The following PIEZO2 variants were observed in gnomAD, a reference collection of about 807,000 sequenced individuals.
PIEZO2 encodes piezo-type mechanosensitive ion channel component 2.
PIEZO2 carries 172 observed loss-of-function variants against 337.3 expected under a neutral mutation model. The observed-to-expected ratio is 0.51, with a 90% CI of 0.45 to 0.58. PIEZO2 has a LOEUF of 0.58. Ranked by LOEUF, PIEZO2 falls within the 20% of genes least tolerant of loss-of-function variation. The probability of loss-of-function intolerance (pLI) is 0.00; values close to 1 mark genes in which losing one functional copy is unlikely to be tolerated. For synonymous variants in PIEZO2, 1,251 were observed against 1,228.5 expected, an observed-to-expected ratio of 1.02 and a Z score of -0.38; for missense variants, 3,028 against 3,391.3, an observed-to-expected ratio of 0.89 and a Z score of 2.66.
Position 10,877,321 on chromosome 18 carries a change from G to C in PIEZO2, c.330-5906C>G, listed in dbSNP as rs2042292959. The stretch of plus-strand genomic sequence containing the variant: ...CCCAAAAGCTGTTTCATGAACACTA[G>C]CTCTTTAGAATGAAATAGTGTTAGA... On this transcript the variant is annotated intron_variant, in intron 4 of 55. Coordinates refer to ENST00000674853, the MANE Select transcript of PIEZO2 (RefSeq NM_001378183.1). This position sits in a 1 kb window ranked among gnomAD's most constrained non-coding sequence, Gnocchi z 5.3. Among the ~76,000 whole-genome samples, 1 of 152,190 alleles carries C rather than the reference G, an allele frequency of 6.6e-6. No homozygotes were observed. Among genetic ancestry groups the C allele is most frequent in the South Asian group, 2.1e-4 (1 of 4,828 alleles).
chr18:10,959,386 G>A (rs264190), intron 3 of PIEZO2, among the ~76,000 whole-genome samples: 75,669 of 151,930 alleles, frequency 0.5, 19,191 homozygotes, highest in African/African-American at 0.57. Flanking sequence ...AATAATTTAA[G>A]TTTGGATTAT....
Position 11,101,719 on chromosome 18 carries a change from T to G in PIEZO2, c.65-35497A>C, listed in dbSNP as rs148553744. ...TCCTAAAGCATTTAAGTCGAGATGG[T>G]CATTTTTCTCTTAGGTTATTGTTTT... On this transcript the variant is annotated intron_variant, in intron 1 of 55. Transcript: ENST00000674853. This position sits in a 1 kb window ranked among gnomAD's most constrained non-coding sequence, Gnocchi z 4.4. 2.6e-5 allele frequency among the ~76,000 whole-genome samples: 4 copies of G among 152,330 alleles called. No individual in the cohort carries two copies. Among genetic ancestry groups the G allele is most frequent in the African/African-American group, 2.4e-5 (1 of 41,576 alleles).
intron 2 of PIEZO2, among the ~76,000 whole-genome samples, chr18:10,981,985 G>A (rs78166418): frequency 0.021 from 3,192 of 152,172 alleles, 121 homozygotes; most frequent in African/African-American, 0.072. Context: ...TTTGAGACTG[G>A]GACTTCCTTC....
chr18:11,032,231 T>G lies in PIEZO2; in HGVS notation c.160+33896A>C, dbSNP rs2036768817. Among the ~76,000 whole-genome samples the G allele has an allele frequency of 6.6e-6, 1 of 152,208 alleles. No homozygotes were observed. The highest frequency in any genetic ancestry group is 1.5e-5 in the Non-Finnish European group (1 of 68,032). The stretch of plus-strand genomic sequence containing the variant: ...ATGTCTCAACATTGATTCTCGGGTC[T>G]CCAGTGTGGTCCACAGGACAGAGGA... On this transcript the variant is annotated intron_variant, in intron 2 of 55. Coordinates refer to ENST00000674853, the MANE Select transcript of PIEZO2 (RefSeq NM_001378183.1). This position sits in a 1 kb window ranked among gnomAD's most constrained non-coding sequence, Gnocchi z 4.9.
In PIEZO2 at chr18:10,973,289, T is replaced by C. The variant is rs2034314319; in HGVS notation, c.286+6246A>G. Among the ~76,000 whole-genome samples the C allele has an allele frequency of 6.6e-6, 1 of 152,200 alleles. No individual in the cohort carries two copies. Among genetic ancestry groups the C allele is most frequent in the Non-Finnish European group, 1.5e-5 (1 of 68,030 alleles). ...GGCAGTAAAAACAATGTGTATTCATTACTCCAAGAGCGTTGACTCCATCAG... is the reference window on the plus strand; with the variant it reads ...GGCAGTAAAAACAATGTGTATTCATCACTCCAAGAGCGTTGACTCCATCAG... On this transcript the variant is annotated intron_variant, in intron 3 of 55. Transcript: ENST00000674853. This position sits in a 1 kb window ranked among gnomAD's most constrained non-coding sequence, Gnocchi z 4.9.
chr18:11,052,500 T>C (rs1598886286), intron 2 of PIEZO2, among the ~76,000 whole-genome samples: 1 of 152,358 alleles, frequency 6.6e-6, no homozygotes, highest in East Asian at 1.9e-4. Context: ...TTTGAACCCT[T>C]TGTTTTATAC....
Position 10,758,099 on chromosome 18 carries a change from G to A in PIEZO2, c.3793C>T (p.Arg1265Trp), listed in dbSNP as rs188320964. ...TTGTTCTCATCCTCAAAAATCTGCC[G>A]TTGTAAGGAGGCACACAGAAGCAGC... ...FMLLLCASLQ[R>W]QIFEDENKAA... is the part of the protein sequence containing the mutation. The change falls in exon 27 of 56, where the codon CGG becomes TGG. Residue 1265 changes from arginine (R) to tryptophan (W), a missense_variant. Coordinates refer to ENST00000674853, the MANE Select transcript of PIEZO2 (RefSeq NM_001378183.1). The A allele has an allele frequency of 2.2e-5, 34 of 1,537,488 alleles. No individual in the cohort carries two copies. The highest frequency in any genetic ancestry group is 3.3e-4 in the Middle Eastern group (2 of 6,014).
At position 10,846,657 on chromosome 18, in the gene PIEZO2, G is replaced by C. The variant is rs184729219; in HGVS notation, c.917+8696C>G. ...GAAGGGATTATTATGGCCCAATGCAGCTGGTGTTATAAAGCAAGTTTGCAC... is the reference window on the plus strand; with the variant it reads ...GAAGGGATTATTATGGCCCAATGCACCTGGTGTTATAAAGCAAGTTTGCAC... On this transcript the variant is annotated intron_variant, in intron 7 of 55. Transcript: ENST00000674853. The surrounding 1 kb of genome is among the most constrained non-coding windows in gnomAD (Gnocchi z 4.1). 4.6e-5 allele frequency among the ~76,000 whole-genome samples: 7 copies of C among 152,130 alleles called. No individual in the cohort carries two copies. The highest frequency in any genetic ancestry group is 1.7e-4 in the African/African-American group (7 of 41,440).
chr18:10,807,763 G>A (rs1309645924), intron 7 of PIEZO2, among the ~76,000 whole-genome samples: 1 of 96,678 alleles, frequency 1.0e-5, no homozygotes, highest in East Asian at 3.8e-4. Context: ...CTACAGTTTA[G>A]CCATGAAAGT....
rs576205978 is a variant in PIEZO2 at position 10,945,611 on chromosome 18, C to T, written c.286+33924G>A. ...ATAGGAATATAAAAATGTCTAGCAC[C>T]CAACAAGGTAAAATTCACAAGCTAG... On this transcript the variant is annotated intron_variant, in intron 3 of 55. Transcript: ENST00000674853. This position sits in a 1 kb window ranked among gnomAD's most constrained non-coding sequence, Gnocchi z 4.0. 6.6e-6 allele frequency among the ~76,000 whole-genome samples: 1 copy of T among 152,026 alleles called. No individual in the cohort carries two copies. The highest frequency in any genetic ancestry group is 2.1e-4 in the South Asian group (1 of 4,792).
chr18:11,016,878 A>G lies in PIEZO2; in HGVS notation c.161-37218T>C, dbSNP rs368333927. ...TCTCCCCTAATAATTGCTTTCTGCA[A>G]TTGTTTATTTCATTATTTACTTGGT... On this transcript the variant is annotated intron_variant, in intron 2 of 55. Coordinates refer to ENST00000674853, the MANE Select transcript of PIEZO2 (RefSeq NM_001378183.1). The surrounding 1 kb of genome is among the most constrained non-coding windows in gnomAD (Gnocchi z 5.6). Among the ~76,000 whole-genome samples, 13 of 152,150 alleles carry G rather than the reference A, an allele frequency of 8.5e-5. No individual in the cohort carries two copies. Among genetic ancestry groups the G allele is most frequent in the South Asian group, 2.1e-4 (1 of 4,802 alleles).
At position 10,675,218 on chromosome 18, in the gene PIEZO2, G is replaced by C; in HGVS notation, c.8152C>G (p.Leu2718Val). 1 of 1,539,158 alleles carries C rather than the reference G, an allele frequency of 6.5e-7. No individual in the cohort carries two copies. Among genetic ancestry groups the C allele is most frequent in the Non-Finnish European group, 8.8e-7 (1 of 1,134,370 alleles). The change falls in exon 54 of 56, where the codon CTT becomes GTT. Residue 2718 changes from leucine to valine, a missense_variant. Leu to Val is a conservative substitution (Grantham distance 32). Around this residue, in one of 5 missense-constraint regions of PIEZO2, gnomAD observed 332 missense variants for 363.8 expected, o/e 0.91. Transcript: ENST00000674853. Reference protein sequence around the residue: ...SDSNSKPIKQLLSENNFMDIT... With the variant: ...SDSNSKPIKQVLSENNFMDIT... The stretch of plus-strand genomic sequence containing the variant: ...TTTTTCTCATTCTTACCAGATAAAA[G>C]TTGCTTTATAGGTTTTGAGTTAGAA...
At position 10,680,122 on chromosome 18, in the gene PIEZO2, C is replaced by T; in HGVS notation, c.7952+77G>A. ...ATCTAAAGTTCCCATTCTTCCATCC[C>T]ACCACACCCTCCCTCCCCCAACTCC... On this transcript the variant is annotated intron_variant, in intron 52 of 55. Coordinates refer to ENST00000674853, the MANE Select transcript of PIEZO2 (RefSeq NM_001378183.1). 12 of 1,304,208 alleles carry T rather than the reference C, an allele frequency of 9.2e-6. No individual in the cohort carries two copies. In the South Asian group the frequency reaches 1.6e-4, roughly 17 times the overall value. The allele number at this position is 1,304,208 out of a possible 1,614,324, so 80.8% of individuals were successfully genotyped here.
At chr18:11,141,564 G>A (rs1473286611) in intron 1 of PIEZO2, among the ~76,000 whole-genome samples, 2 of 151,680 alleles carry the variant, frequency 1.3e-5, no homozygotes, top group African/African-American at 4.8e-5. Context: ...AAACTTAGAA[G>A]CGTGCCCTTG....
chr18:10,893,125 T>C (rs780544874), intron 4 of PIEZO2, among the ~76,000 whole-genome samples: 11 of 152,366 alleles, frequency 7.2e-5, no homozygotes, highest in Non-Finnish European at 1.2e-4. Context: ...AATTATGTTT[T>C]AGTAGTTCAA....
chr18:10,838,234 C>T (rs1182085275), intron 7 of PIEZO2, among the ~76,000 whole-genome samples: 1 of 152,208 alleles, frequency 6.6e-6, no homozygotes, highest in Non-Finnish European at 1.5e-5. Context: ...CACCCTACCC[C>T]CTGCCTTGCA....
chr18:10,941,689 A>G (rs2032732253), intron 3 of PIEZO2, among the ~76,000 whole-genome samples: 2 of 152,238 alleles, frequency 1.3e-5, no homozygotes, highest in East Asian at 1.9e-4. Context: ...ATAATTGGAA[A>G]CCAAAAGTAA....
At chr18:10,768,591 GTC>G (rs886962792) in intron 21 of PIEZO2, among the ~76,000 whole-genome samples, 3 of 152,182 alleles carry the variant, frequency 2.0e-5, no homozygotes, top group African/African-American at 7.2e-5. Flanking sequence ...TGCTTCAGGA[GTC>G]TCTCACTTGT....
intron 2 of PIEZO2, among the ~76,000 whole-genome samples, chr18:10,992,233 A>C (rs1001217031): frequency 5.3e-5 from 8 of 152,274 alleles, no homozygotes; most frequent in African/African-American, 1.2e-4. Flanking sequence ...TCTTCAGTTT[A>C]CTTAGATCCC....
Sources: allele counts gnomAD v4.1 joint callset (sites outside exome capture counted in the v4.1 genomes callset), GRCh38; gene constraint gnomAD v4.1.1; regional missense constraint gnomAD v4.1.1; non-coding constraint Gnocchi (gnomAD v3.1); transcripts MANE v1.5; gene names NCBI Gene and HGNC (gene_info 2026-07-23, HGNC 2026-07-21).